Variants in AKR1B15 observed in about 807,000 individuals in gnomAD.
AKR1B15 encodes the protein aldo-keto reductase family 1 member B15, also known as estradiol 17-beta-dehydrogenase AKR1B15.
In AKR1B15, 49 loss-of-function variants were observed where a neutral mutation model predicts 38.5. That is an observed-to-expected ratio of 1.27 (90% CI 1.01 to 1.62). The LOEUF (loss-of-function observed/expected upper bound fraction) is 1.62. Ranked by LOEUF, AKR1B15 falls within the 40% of genes most tolerant of loss-of-function variation. The probability of loss-of-function intolerance (pLI) is 0.00; values close to 1 mark genes in which losing one functional copy is unlikely to be tolerated. For synonymous variants in AKR1B15, 137 were observed against 135.5 expected (o/e 1.01, Z -0.08); for missense variants, 411 against 381.6 (o/e 1.08, Z -0.64).
In AKR1B15 at chr7:134,571,620, T is replaced by C. The variant is rs768597470; in HGVS notation, c.452T>C (p.Phe151Ser). The change falls in exon 6 of 12, where the codon TTC becomes TCC. Residue 151 changes from phenylalanine to serine, a missense_variant. By Grantham distance (155) the Phe-to-Ser change is radical (BLOSUM62 -2). Transcript: ENST00000457545. ...TATTTACAGACTGGGGATGACTTTT[T>C]CCCCAAAGATGATAAAGGTAATATG... ...PQGFKTGDDFFPKDDKGNMIS... is the reference protein window; with the variant it reads ...PQGFKTGDDFSPKDDKGNMIS... 9 of 1,613,504 alleles carry C rather than the reference T, an allele frequency of 5.6e-6. No individual in the cohort carries two copies. The highest frequency in any genetic ancestry group is 6.8e-6 in the Non-Finnish European group (8 of 1,179,800).
At chr7:134,559,536 T>C (rs1794319032) in intron 2 of AKR1B15, among the ~76,000 whole-genome samples, 1 of 152,138 alleles carries the variant, frequency 6.6e-6, no homozygotes, top group Non-Finnish European at 1.5e-5. Flanking sequence ...CAGTATGGGC[T>C]AGGAGGAGAT....
intron 6 of AKR1B15, among the ~76,000 whole-genome samples, chr7:134,574,369 TG>T (rs1794720933): frequency 6.6e-6 from 1 of 152,130 alleles, no homozygotes; most frequent in Non-Finnish European, 1.5e-5. Context: ...TCGGGGTTTT[TG>T]TTTGTTTGTT....
chr7:134,571,633 T>C lies in AKR1B15; in HGVS notation c.465T>C (p.Asp155=), dbSNP rs1316121378. Residue 155 remains aspartate, a synonymous_variant, in exon 6 of 12, where the codon GAT becomes GAC. Coordinates refer to ENST00000457545, the MANE Select transcript of AKR1B15 (RefSeq NM_001080538.3). ...KTGDDFFPKD[D]KGNMISGKGT... is the part of the protein sequence containing the mutation. Reference sequence around the variant, plus strand: ...GGGATGACTTTTTCCCCAAAGATGATAAAGGTAATATGATCAGTGGAAAAG... The same window carrying C: ...GGGATGACTTTTTCCCCAAAGATGACAAAGGTAATATGATCAGTGGAAAAG... 2 of 1,613,644 alleles carry C rather than the reference T, an allele frequency of 1.2e-6. No homozygotes were observed. Among genetic ancestry groups the C allele is most frequent in the African/African-American group, 2.7e-5 (2 of 74,908 alleles).
intron 2 of AKR1B15, among the ~76,000 whole-genome samples, chr7:134,559,460 T>C (rs188627987): frequency 2.0e-5 from 3 of 152,282 alleles, no homozygotes; most frequent in African/African-American, 7.2e-5. Context: ...GCCATGACAC[T>C]GTAACCCCTT....
Position 134,579,735 on chromosome 7 carries a change from C to A in AKR1B15, c.*186C>A. On this transcript the variant is annotated 3_prime_UTR_variant, in exon 12 of 12. Transcript: ENST00000457545. ...GTATGTTCAACTAGGATAAGAATATCACAGAAAAGCATGGCCTGAATAAGC... is the reference window on the plus strand; with the variant it reads ...GTATGTTCAACTAGGATAAGAATATAACAGAAAAGCATGGCCTGAATAAGC... 1 of 521,468 alleles carries A rather than the reference C, an allele frequency of 1.9e-6. No individual in the cohort carries two copies. Among genetic ancestry groups the A allele is most frequent in the Non-Finnish European group, 3.3e-6 (1 of 304,018 alleles). The allele number at this position is 521,468 out of a possible 1,614,324, so 32.3% of individuals were successfully genotyped here. A position where few individuals can be genotyped will look rare whatever the true frequency, so the allele number is the denominator to read the frequency against.
chr7:134,577,653 C>T, intron 10 of AKR1B15, 51 bp from the exon 11 acceptor site: 1 of 1,588,278 alleles, frequency 6.3e-7, no homozygotes. Context: ...AGTCTCCAGC[C>T]ACAGCAGTAA....
At chr7:134,559,192 T>G (rs75191953) in intron 2 of AKR1B15, among the ~76,000 whole-genome samples, 447 of 152,322 alleles carry the variant, frequency 2.9e-3, no homozygotes, top group Non-Finnish European at 4.8e-3. Context: ...TTCAGTTTGA[T>G]GCCTGTTCAG....
At chr7:134,557,497 A>G (rs911865541) in intron 2 of AKR1B15, among the ~76,000 whole-genome samples, 2 of 152,050 alleles carry the variant, frequency 1.3e-5, no homozygotes, top group African/African-American at 4.8e-5. Flanking sequence ...AACTGGTGCA[A>G]GCTGACTCCA....
chr7:134,576,932 A>G, intron 9 of AKR1B15, 31 bp from the exon 10 acceptor site: 1 of 1,585,854 alleles, frequency 6.3e-7, no homozygotes, highest in Admixed American at 1.7e-5. Flanking sequence ...CTTGTAGCTG[A>G]GTGGAAACAT....
At chr7:134,568,896 C>A (rs190910794) in intron 4 of AKR1B15, among the ~76,000 whole-genome samples, 2 of 151,062 alleles carry the variant, frequency 1.3e-5, no homozygotes, top group Non-Finnish European at 2.9e-5. Flanking sequence ...GTTCTGTGTA[C>A]TTGGAAAATG....
intron 11 of AKR1B15, among the ~76,000 whole-genome samples, 169 bp from the exon 12 acceptor site, chr7:134,579,338 A>G (rs1343772506): frequency 6.6e-6 from 1 of 152,044 alleles, no homozygotes; most frequent in Non-Finnish European, 1.5e-5. Context: ...CAAAACCCTC[A>G]TATCGATTTG....
Position 134,576,972 on chromosome 7 carries a change from C to T in AKR1B15, c.835C>T (p.Arg279Cys), listed in dbSNP as rs372334254. 120 of 1,613,636 alleles carry T rather than the reference C, an allele frequency of 7.4e-5. No individual in the cohort carries two copies. The South Asian group carries it at 1.1e-3, about 14-fold the overall frequency. ...TCCCCTTTCTGCACAGGTTCTGATC[C>T]GTTTCCATATCCAGAGGAATGTGAC... The part of the protein sequence containing the change: ...HKKTTAQVLI[R>C]FHIQRNVTVI... The change falls in exon 10 of 12, where the codon CGT becomes TGT. Residue 279 changes from arginine to cysteine, a missense_variant. Around this residue, in one of 3 missense-constraint regions of AKR1B15, gnomAD observed 133 missense variants for 120.3 expected, o/e 1.11. Coordinates refer to ENST00000457545, the MANE Select transcript of AKR1B15 (RefSeq NM_001080538.3).
Position 134,568,427 on chromosome 7 carries a change from C to G in AKR1B15, c.318+102C>G, listed in dbSNP as rs1794591880. ...CTCTGTCGGCCTTTTCTACGTGTAC[C>G]CGTTTTCATCTCTGCCTTGATAACA... On this transcript the variant is annotated intron_variant, in intron 4 of 11. Transcript: ENST00000457545. 18 of 1,482,484 alleles carry G rather than the reference C, an allele frequency of 1.2e-5. No individual in the cohort carries two copies. In the South Asian group the frequency reaches 1.8e-4, roughly 15 times the overall value. 91.8% of individuals were successfully genotyped at this position (1,482,484 alleles called of 1,614,324 possible). A position where few individuals can be genotyped will look rare whatever the true frequency, so the allele number is the denominator to read the frequency against.
chr7:134,555,006 A>C (rs1022636750), intron 1 of AKR1B15, among the ~76,000 whole-genome samples: 6 of 152,152 alleles, frequency 3.9e-5, no homozygotes, highest in African/African-American at 1.4e-4. Context: ...ACCAGTGAAA[A>C]CTAGGTAAAG....
chr7:134,568,450 A>G, intron 4 of AKR1B15, 125 bp downstream of exon 4: 1 of 1,380,074 alleles, frequency 7.2e-7, no homozygotes, highest in Non-Finnish European at 1.0e-6. Context: ...TGCCTTGATA[A>G]CATCCGTGGA....
chr7:134,561,205 C>A (rs1010908475), intron 2 of AKR1B15, among the ~76,000 whole-genome samples: 3 of 152,106 alleles, frequency 2.0e-5, no homozygotes, highest in Non-Finnish European at 4.4e-5. Context: ...GATTATGAGG[C>A]ATGCATGTAT....
At position 134,569,405 on chromosome 7, in the gene AKR1B15, C is replaced by T; in HGVS notation, c.319-8C>T. 2 of 1,613,948 alleles carry T rather than the reference C, an allele frequency of 1.2e-6. No homozygotes were observed. The highest frequency in any genetic ancestry group is 2.2e-5 in the South Asian group (2 of 91,074). On this transcript the variant is annotated splice_region_variant and splice_polypyrimidine_tract_variant and intron_variant, in intron 4 of 11. Coordinates refer to ENST00000457545, the MANE Select transcript of AKR1B15 (RefSeq NM_001080538.3). The stretch of plus-strand genomic sequence containing the variant: ...AGTATTACTAGCTCATTGCTACACT[C>T]TTTGCAGGTGTGGCCCACTTTCTTT...
At chr7:134,578,033 A>C (rs547415461) in intron 11 of AKR1B15, among the ~76,000 whole-genome samples, 1 of 152,218 alleles carries the variant, frequency 6.6e-6, no homozygotes, top group African/African-American at 2.4e-5. Flanking sequence ...ATCAATAGGC[A>C]GGAGGCAGAA....
intron 1 of AKR1B15, among the ~76,000 whole-genome samples, chr7:134,555,526 TTCTG>T (rs1227778518): frequency 1.1e-4 from 16 of 152,150 alleles, no homozygotes; most frequent in African/African-American, 1.9e-4. Flanking sequence ...TATTTACCTC[TTCTG>T]TCTGTTTCCA....
Sources: gnomAD v4.1 joint callset for allele counts (sites outside exome capture counted in the v4.1 genomes callset) on GRCh38, gnomAD v4.1.1 for gene constraint, gnomAD v4.1.1 regional missense constraint, MANE v1.5 for transcripts, NCBI Gene and HGNC (gene_info 2026-07-23, HGNC 2026-07-21) for gene names.